CPAMD8: variants seen among roughly 807,000 people sequenced by gnomAD.
CPAMD8 encodes the protein C3 and PZP like alpha-2-macroglobulin domain containing 8, also known as C3 and PZP-like alpha-2-macroglobulin domain-containing protein 8.
Under a neutral mutation model 224.7 loss-of-function variants are expected in CPAMD8, and 146 were observed. The observed-to-expected ratio is 0.65, with a 90% CI of 0.57 to 0.75. The LOEUF (loss-of-function observed/expected upper bound fraction) is 0.75, where lower values mean the gene tolerates loss of function less well. Among genes scored for constraint, CPAMD8 ranks in the 30% least tolerant of loss-of-function variants. The probability of loss-of-function intolerance (pLI) is 0.00; values close to 1 mark genes in which losing one functional copy is unlikely to be tolerated. For missense variants in CPAMD8, 2,301 were observed against 2,537.5 expected (o/e 0.91, Z 2.00); for synonymous variants, 966 against 1,044.6 (o/e 0.92, Z 1.45).
chr19:16,909,320 GGATCATGA>G (rs2144795101), intron 29 of CPAMD8, among the ~76,000 whole-genome samples: 1 of 152,206 alleles, frequency 6.6e-6, no homozygotes, highest in South Asian at 2.1e-4. Context: ...CGAGGCAGGT[GGATCATGA>G]GATCAGGAGA....
At chr19:16,952,650 C>T (rs1324571710) in intron 19 of CPAMD8, among the ~76,000 whole-genome samples, 1 of 152,062 alleles carries the variant, frequency 6.6e-6, no homozygotes, top group Non-Finnish European at 1.5e-5. Context: ...GCAGTCCAGC[C>T]TCAGCAACAG....
chr19:16,943,011 C>CTT (rs770885168), intron 22 of CPAMD8, among the ~76,000 whole-genome samples: 10 of 79,438 alleles, frequency 1.3e-4, no homozygotes, highest in Middle Eastern at 0.011. Context: ...TTTCTTTTTT[C>CTT]TTTTTTTTTT....
chr19:16,929,954 T>G (rs758537839), intron 23 of CPAMD8, among the ~76,000 whole-genome samples: 4 of 151,942 alleles, frequency 2.6e-5, no homozygotes, highest in Admixed American at 2.0e-4. Flanking sequence ...ATTCCAAAAT[T>G]TATACAGACA....
chr19:16,997,070 T>C (rs367928753), intron 11 of CPAMD8, 41 bp downstream of exon 11: 91 of 1,283,088 alleles, frequency 7.1e-5, no homozygotes, highest in Non-Finnish European at 1.0e-4. Context: ...GGTTTCACGG[T>C]GGTCCTTGGG....
chr19:16,997,943 C>T (rs1406342606), intron 10 of CPAMD8, among the ~76,000 whole-genome samples: 3 of 152,216 alleles, frequency 2.0e-5, no homozygotes, highest in African/African-American at 7.2e-5. Flanking sequence ...ACCAGAACTC[C>T]CTCATTCAAT....
At chr19:16,950,415 G>A (rs938234063) in intron 20 of CPAMD8, among the ~76,000 whole-genome samples, 5 of 152,018 alleles carry the variant, frequency 3.3e-5, no homozygotes, top group South Asian at 2.1e-4. Flanking sequence ...AAACCACTTC[G>A]CTCCAAGGTT....
chr19:16,956,641 G>T (rs763004742), intron 19 of CPAMD8, among the ~76,000 whole-genome samples: 2 of 152,046 alleles, frequency 1.3e-5, no homozygotes, highest in Non-Finnish European at 2.9e-5. Flanking sequence ...ACCAGCCTGG[G>T]CAACATACAG....
intron 23 of CPAMD8, among the ~76,000 whole-genome samples, chr19:16,934,957 C>T (rs1438635753): frequency 1.3e-5 from 2 of 152,144 alleles, no homozygotes; most frequent in Non-Finnish European, 2.9e-5. Context: ...CCCATTATTA[C>T]ATTAAGCACT....
At chr19:16,985,526 TA>T (rs1268082581) in intron 13 of CPAMD8, among the ~76,000 whole-genome samples, 6 of 138,532 alleles carry the variant, frequency 4.3e-5, no homozygotes, top group Admixed American at 1.4e-4. Flanking sequence ...GATAAATGGA[TA>T]GGGGTAGTGG....
At chr19:16,945,089 T>C (rs1163447906) in intron 22 of CPAMD8, among the ~76,000 whole-genome samples, 1 of 152,080 alleles carries the variant, frequency 6.6e-6, no homozygotes, top group Non-Finnish European at 1.5e-5. Flanking sequence ...CCCGAGATCA[T>C]GGGTAAGTGG....
chr19:16,915,441 T>C (rs923959827), intron 27 of CPAMD8, among the ~76,000 whole-genome samples: 1 of 152,096 alleles, frequency 6.6e-6, no homozygotes, highest in Non-Finnish European at 1.5e-5. Context: ...GCTGCTGAAT[T>C]AGCCAACCAT....
intron 36 of CPAMD8, among the ~76,000 whole-genome samples, chr19:16,900,992 C>T (rs558299238): frequency 1.3e-5 from 2 of 148,364 alleles, no homozygotes; most frequent in East Asian, 4.0e-4. Flanking sequence ...TACACTGTAG[C>T]CTGGGCAACA....
chr19:16,896,706 C>T (rs1451743177), intron 39 of CPAMD8, 41 bp from the exon 40 acceptor site: 1 of 1,322,472 alleles, frequency 7.6e-7, no homozygotes, highest in Non-Finnish European at 9.8e-7. Flanking sequence ...CCACCCTGAA[C>T]CTTGCCCGCG....
At chr19:16,980,021 C>T (rs1437468289) in intron 14 of CPAMD8, among the ~76,000 whole-genome samples, 1 of 152,136 alleles carries the variant, frequency 6.6e-6, no homozygotes, top group East Asian at 1.9e-4. Context: ...AGGACGCCCC[C>T]ACTCTGGAGT....
intron 19 of CPAMD8, 44 bp from the exon 20 acceptor site, chr19:16,952,244 G>T: frequency 8.6e-7 from 1 of 1,159,630 alleles, no homozygotes; most frequent in Non-Finnish European, 1.3e-6. Context: ...CTTCTCCAGG[G>T]CCATGCCTCA....
chr19:17,001,428 T>A (rs959777954), intron 9 of CPAMD8, among the ~76,000 whole-genome samples: 13 of 96,326 alleles, frequency 1.3e-4, no homozygotes, highest in Admixed American at 6.2e-4. Flanking sequence ...GGGAGCAGCC[T>A]TGGGGGAGAG....
At chr19:17,011,858 C>T in intron 3 of CPAMD8, 101 bp from the exon 4 acceptor site, 2 of 1,347,938 alleles carry the variant, frequency 1.5e-6, no homozygotes, top group Non-Finnish European at 2.0e-6. Flanking sequence ...GAACTCACCC[C>T]AGGAGTGACT....
At chr19:16,893,817 T>C in intron 41 of CPAMD8, 1 of 160,458 alleles carries the variant, frequency 6.2e-6, no homozygotes, top group Non-Finnish European at 1.4e-5. Context: ...CCGCAGGGCC[T>C]TGTGATGTGA....
Position 16,945,579 on chromosome 19 carries a change from C to A in CPAMD8, c.2763G>T (p.Val921=). ...CCATCACACTGCGCCTGACGTGATC[C>A]ACCCCGATGGGGACCCTCCTGTCGG... is the stretch of plus-strand genomic sequence containing the variant. ...NHADRRVPIG[V]DHVRRSVMVE... Residue 921 remains valine, a synonymous_variant, in exon 22 of 42, where the codon GTG becomes GTT. Coordinates refer to ENST00000443236, the MANE Select transcript of CPAMD8 (RefSeq NM_015692.5). The A allele has an allele frequency of 6.2e-7, 1 of 1,614,166 alleles. No individual in the cohort carries two copies. Among genetic ancestry groups the A allele is most frequent in the Non-Finnish European group, 8.5e-7 (1 of 1,180,010 alleles).
Sources: gnomAD v4.1 joint callset for allele counts (sites outside exome capture counted in the v4.1 genomes callset) on GRCh38, gnomAD v4.1.1 for gene constraint, MANE v1.5 for transcripts, NCBI Gene and HGNC (gene_info 2026-07-23, HGNC 2026-07-21) for gene names.